Variants in DEPDC5 observed in about 807,000 individuals in gnomAD.
DEPDC5 encodes GATOR1 complex protein DEPDC5.
In DEPDC5, 73 loss-of-function variants were observed where a neutral mutation model predicts 217.3. The observed-to-expected ratio is 0.34, with a 90% CI of 0.28 to 0.41. The LOEUF is 0.41. Among genes scored for constraint, DEPDC5 ranks in the 10% least tolerant of loss-of-function variants. DEPDC5 has a pLI of 1.00. For missense variants in DEPDC5, 1,675 were observed against 2,070.1 expected, an observed-to-expected ratio of 0.81 and a Z score of 3.70; for synonymous variants, 733 against 756.7, an observed-to-expected ratio of 0.97 and a Z score of 0.51.
At chr22:31,781,046 G>A (rs545117126) in intron 8 of DEPDC5, among the ~76,000 whole-genome samples, 20 of 151,990 alleles carry the variant, frequency 1.3e-4, no homozygotes, top group African/African-American at 4.6e-4. Flanking sequence ...GAGAAACCCC[G>A]TCTCTACTAA....
At position 31,809,627 on chromosome 22, in the gene DEPDC5, C is replaced by T. The variant is rs747713897; in HGVS notation, c.1304C>T (p.Ala435Val). ...LAGKKPASEK[A>V]KNGRDTSLGS... ...ATTTTTCAGCCCGCCTCTGAGAAAG[C>T]AAAAAATGGCCGTGATACATGTGAG... Residue 435 changes from alanine to valine, a missense_variant, in exon 19 of 43, where the codon GCA becomes GTA. By Grantham distance (64) the Ala-to-Val change is moderately conservative. This residue lies in a region of DEPDC5 where 628 missense variants were observed against 762.1 expected (regional missense o/e 0.82). Coordinates refer to ENST00000651528, the MANE Select transcript of DEPDC5 (RefSeq NM_001242896.3). 1 of 1,613,564 alleles carries T rather than the reference C, an allele frequency of 6.2e-7. No homozygotes were observed. The highest frequency in any genetic ancestry group is 1.1e-5 in the South Asian group (1 of 91,062).
chr22:31,888,711 G>C (rs2093372266), intron 38 of DEPDC5, among the ~76,000 whole-genome samples: 1 of 151,978 alleles, frequency 6.6e-6, no homozygotes, highest in South Asian at 2.1e-4. Flanking sequence ...CAGCATGCCT[G>C]GTTAATTTTT....
At chr22:31,833,879 GC>G (rs750466242) in intron 24 of DEPDC5, 35 bp from the exon 25 acceptor site, 3 of 1,482,730 alleles carry the variant, frequency 2.0e-6, no homozygotes, top group Non-Finnish European at 2.7e-6. Context: ...TGCAGAGTGA[GC>G]CTTCTTAAGA....
intron 33 of DEPDC5, among the ~76,000 whole-genome samples, chr22:31,867,329 A>G (rs1569152164): frequency 6.6e-6 from 1 of 152,244 alleles, no homozygotes; most frequent in Non-Finnish European, 1.5e-5. Flanking sequence ...GGCCTTGTAA[A>G]GTAGATAGAA....
intron 37 of DEPDC5, among the ~76,000 whole-genome samples, chr22:31,877,202 G>A (rs372165940): frequency 1.3e-5 from 2 of 151,032 alleles, no homozygotes; most frequent in South Asian, 2.1e-4. Flanking sequence ...TTGGGAGGCC[G>A]AAGCAGGTGG....
intron 12 of DEPDC5, among the ~76,000 whole-genome samples, chr22:31,794,906 A>G (rs1305478125): frequency 6.6e-6 from 1 of 152,010 alleles, no homozygotes; most frequent in African/African-American, 2.4e-5. Context: ...AAACAACAAC[A>G]ACAAAAGCAC....
chr22:31,787,327 A>G (rs919372313), intron 10 of DEPDC5, among the ~76,000 whole-genome samples: 1 of 152,008 alleles, frequency 6.6e-6, no homozygotes, highest in African/African-American at 2.4e-5. Context: ...TCAAGCGGTC[A>G]CCCACCTTGG....
intron 14 of DEPDC5, among the ~76,000 whole-genome samples, chr22:31,802,400 G>A (rs1336705283): frequency 6.6e-6 from 1 of 152,030 alleles, no homozygotes; most frequent in Non-Finnish European, 1.5e-5. Flanking sequence ...AAAGTGCTGG[G>A]ATTTCAGGCA....
At chr22:31,786,329 C>A (rs1229317676) in intron 10 of DEPDC5, among the ~76,000 whole-genome samples, 1 of 146,934 alleles carries the variant, frequency 6.8e-6, no homozygotes, top group African/African-American at 2.5e-5. Context: ...CGGAGGTGGG[C>A]AGATTGCATG....
In DEPDC5 at chr22:31,864,530, A is replaced by ATATATATATATATT. The variant is rs1372150061; in HGVS notation, c.3330+3100_3330+3101insATATATATATTTAT. 1.5e-3 allele frequency among the ~76,000 whole-genome samples: 212 copies of ATATATATATATATT among 138,950 alleles called. 1 individual carries two copies. Among genetic ancestry groups the ATATATATATATATT allele is most frequent in the Non-Finnish European group, 2.4e-3 (157 of 64,578 alleles). The allele number at this position is 138,950 out of a possible 152,430, so 91.2% of individuals were successfully genotyped here. On this transcript the variant is annotated intron_variant, in intron 33 of 42. Coordinates refer to ENST00000651528, the MANE Select transcript of DEPDC5 (RefSeq NM_001242896.3). ...TATATATATATATATATATATTTAT[A>ATATATATATATATT]TATTTATTTATTTACTGTGTGTATT...
intron 38 of DEPDC5, among the ~76,000 whole-genome samples, chr22:31,887,074 T>G (rs550042550): frequency 2.1e-5 from 3 of 143,568 alleles, no homozygotes; most frequent in Middle Eastern, 3.8e-3. Context: ...CAGGGCGAGA[T>G]TCCATCTCGA....
At chr22:31,848,654 A>G (rs754241446) in intron 31 of DEPDC5, among the ~76,000 whole-genome samples, 25 of 152,176 alleles carry the variant, frequency 1.6e-4, no homozygotes, top group Non-Finnish European at 2.6e-4. Flanking sequence ...GAGGGGCTGC[A>G]TGAAGGTCTC....
rs774916937 is a variant in DEPDC5, at chr22:31,798,563, C to T, written c.872-19C>T. 5 of 1,600,228 alleles carry T rather than the reference C, an allele frequency of 3.1e-6. No homozygotes were observed. Among genetic ancestry groups the T allele is most frequent in the Non-Finnish European group, 4.3e-6 (5 of 1,171,742 alleles). ...TGTTTCATGAGATGTTTTTCTTTCT[C>T]TTGCATATTTTGCTTCAGAGGGCTT... is the stretch of plus-strand genomic sequence containing the variant. On this transcript the variant is annotated intron_variant, in intron 13 of 42. Coordinates refer to ENST00000651528, the MANE Select transcript of DEPDC5 (RefSeq NM_001242896.3).
At chr22:31,776,984 A>G (rs2148310614) in intron 7 of DEPDC5, among the ~76,000 whole-genome samples, 1 of 150,004 alleles carries the variant, frequency 6.7e-6, no homozygotes, top group Non-Finnish European at 1.5e-5. Context: ...TTTTTTTGAG[A>G]CAGAGTCTCG....
intron 7 of DEPDC5, among the ~76,000 whole-genome samples, chr22:31,773,576 T>C (rs1224777972): frequency 6.6e-6 from 1 of 152,208 alleles, no homozygotes; most frequent in Non-Finnish European, 1.5e-5. Flanking sequence ...GTCTTCTATC[T>C]TTTCTCCAGA....
At chr22:31,834,877 G>A (rs2090881840) in intron 25 of DEPDC5, among the ~76,000 whole-genome samples, 1 of 152,150 alleles carries the variant, frequency 6.6e-6, no homozygotes, top group South Asian at 2.1e-4. Context: ...GTCCCTCCTA[G>A]CAGTCATTTG....
chr22:31,861,483 T>G (rs774832816), intron 33 of DEPDC5, 50 bp downstream of exon 33: 1 of 1,541,974 alleles, frequency 6.5e-7, no homozygotes, highest in Non-Finnish European at 8.8e-7. Context: ...GCAGACGCCA[T>G]GAGCTGGCCT....
intron 7 of DEPDC5, among the ~76,000 whole-genome samples, chr22:31,772,743 T>A (rs2083468313): frequency 6.6e-6 from 1 of 151,552 alleles, no homozygotes; most frequent in Non-Finnish European, 1.5e-5. Context: ...CTCATTTTTT[T>A]TTCTATTGCT....
At chr22:31,864,093 G>A (rs1162461724) in intron 33 of DEPDC5, among the ~76,000 whole-genome samples, 1 of 149,740 alleles carries the variant, frequency 6.7e-6, no homozygotes, top group African/African-American at 2.5e-5. Context: ...GAGGCCAATG[G>A]AGTCAGTTGG....
Sources: allele counts gnomAD v4.1 joint callset (sites outside exome capture counted in the v4.1 genomes callset), GRCh38; gene constraint gnomAD v4.1.1; regional missense constraint gnomAD v4.1.1; transcripts MANE v1.5; gene names NCBI Gene and HGNC (gene_info 2026-07-23, HGNC 2026-07-21).